The following RSPH9 variants were observed in gnomAD, a reference collection of about 807,000 sequenced individuals.
The protein encoded by RSPH9 is radial spoke head component 9.
RSPH9 carries 27 observed loss-of-function variants against 27.0 expected under a neutral mutation model. The observed-to-expected ratio is 1.00, with a 90% CI of 0.74 to 1.38. The LOEUF (loss-of-function observed/expected upper bound fraction) is 1.38, where lower values mean the gene tolerates loss of function less well. RSPH9 is among the 40% of genes most tolerant of loss of function. The pLI, the probability that RSPH9 is intolerant of heterozygous loss-of-function variation, is 0.00. For missense variants in RSPH9, 347 were observed against 357.4 expected, an observed-to-expected ratio of 0.97 and a Z score of 0.24; for synonymous variants, 145 against 147.7, an observed-to-expected ratio of 0.98 and a Z score of 0.13.
chr6:43,672,324 C>G lies in RSPH9; in HGVS notation c.*1375C>G, dbSNP rs776094418. 2.2e-5 allele frequency: 10 copies of G among 463,584 alleles called. No individual in the cohort carries two copies. The highest frequency in any genetic ancestry group is 1.6e-4 in the South Asian group (10 of 64,016). The allele number at this position is 463,584 out of a possible 1,614,324, so 28.7% of individuals were successfully genotyped here. On this transcript the variant is annotated 3_prime_UTR_variant, in exon 5 of 5. Transcript: ENST00000372163. ...TCCCCATTTGGCTCACTCAGCTACC[C>G]CAACCTTCAGGGAACTCCCCAGGGT...
In RSPH9 at chr6:43,650,466, C is replaced by T. The variant is rs1032347070; in HGVS notation, c.319C>T (p.Pro107Ser). 6.2e-7 allele frequency: 1 copy of T among 1,613,974 alleles called. No individual in the cohort carries two copies. Among genetic ancestry groups the T allele is most frequent in the African/African-American group, 1.3e-5 (1 of 74,892 alleles). ...GGTGAAGGGCCGCTTCATGGGGGAC[C>T]CATCATACGAATATGAACACACTGA... is the stretch of plus-strand genomic sequence containing the variant. Reference protein sequence around the residue: ...SVVKGRFMGDPSYEYEHTELQ... With the variant: ...SVVKGRFMGDSSYEYEHTELQ... Residue 107 changes from proline to serine, a missense_variant, in exon 2 of 5, where the codon CCA (proline) becomes TCA (serine). Pro to Ser is a moderately conservative substitution (Grantham distance 74). Transcript: ENST00000372163.
chr6:43,660,855 A>G (rs1772541711), intron 4 of RSPH9, among the ~76,000 whole-genome samples: 1 of 151,722 alleles, frequency 6.6e-6, no homozygotes, highest in Non-Finnish European at 1.5e-5. Context: ...AGGAATCATT[A>G]TCTATGGCAG....
intron 1 of RSPH9, among the ~76,000 whole-genome samples, chr6:43,647,398 T>G (rs1456494689): frequency 6.6e-6 from 1 of 152,092 alleles, no homozygotes; most frequent in South Asian, 2.1e-4. Context: ...GTGAGCACTG[T>G]GGTTAGGAGT....
At chr6:43,659,537 C>T (rs1274698590) in intron 4 of RSPH9, among the ~76,000 whole-genome samples, 1 of 151,584 alleles carries the variant, frequency 6.6e-6, no homozygotes, top group Non-Finnish European at 1.5e-5. Flanking sequence ...CGCCCGCCGC[C>T]ACGGCTGGCT....
chr6:43,659,786 C>G (rs1369754449), intron 4 of RSPH9, among the ~76,000 whole-genome samples: 1 of 146,866 alleles, frequency 6.8e-6, no homozygotes, highest in Non-Finnish European at 1.5e-5. Context: ...GGCTGGAGTG[C>G]AAGTGATGTC....
intron 4 of RSPH9, among the ~76,000 whole-genome samples, chr6:43,663,249 C>T (rs948502605): frequency 6.6e-6 from 1 of 151,280 alleles, no homozygotes; most frequent in African/African-American, 2.4e-5. Context: ...GACAGAGTCT[C>T]ACTGTGTTGC....
chr6:43,671,450 T>C lies in RSPH9; in HGVS notation c.*501T>C. 1 of 452,646 alleles carries C rather than the reference T, an allele frequency of 2.2e-6. No homozygotes were observed. Among genetic ancestry groups the C allele is most frequent in the East Asian group, 4.4e-5 (1 of 22,884 alleles). 28.0% of individuals were successfully genotyped at this position (452,646 alleles called of 1,614,324 possible). The stretch of plus-strand genomic sequence containing the variant: ...TCCCAAGCAGTGAGCGCACACCCAA[T>C]GGGTAAGCCCATGAACCCAGTTTAT... On this transcript the variant is annotated 3_prime_UTR_variant, in exon 5 of 5. Transcript: ENST00000372163.
intron 2 of RSPH9, among the ~76,000 whole-genome samples, chr6:43,651,385 C>A (rs1001778275): frequency 1.3e-5 from 2 of 152,106 alleles, no homozygotes; most frequent in Non-Finnish European, 2.9e-5. Flanking sequence ...AGGGAATGTG[C>A]ACAGGCTCTT....
chr6:43,648,382 G>C (rs1360587842), intron 1 of RSPH9, among the ~76,000 whole-genome samples: 1 of 152,212 alleles, frequency 6.6e-6, no homozygotes, highest in East Asian at 1.9e-4. Flanking sequence ...GAGAGAGTGA[G>C]CTATGTAAAT....
At chr6:43,656,468 G>A (rs924704341) in intron 3 of RSPH9, 109 bp from the exon 4 acceptor site, 2 of 1,234,996 alleles carry the variant, frequency 1.6e-6, no homozygotes, top group Admixed American at 3.4e-5. Flanking sequence ...CTCTGACAGT[G>A]GTTGACAGGG....
chr6:43,657,167 T>G (rs1772122846), intron 4 of RSPH9, among the ~76,000 whole-genome samples: 1 of 152,220 alleles, frequency 6.6e-6, no homozygotes, highest in Non-Finnish European at 1.5e-5. Flanking sequence ...GAGAAGAGCA[T>G]GTCCTTGGAT....
intron 1 of RSPH9, among the ~76,000 whole-genome samples, chr6:43,649,976 C>A (rs1244961749): frequency 4.6e-5 from 7 of 152,098 alleles, no homozygotes; most frequent in African/African-American, 1.7e-4. Context: ...CAGGCTGGTG[C>A]AGTCGTGGCT....
intron 4 of RSPH9, among the ~76,000 whole-genome samples, chr6:43,669,628 C>G (rs1199114971): frequency 5.3e-5 from 8 of 152,224 alleles, no homozygotes; most frequent in Non-Finnish European, 1.0e-4. Context: ...CCAAAACTTT[C>G]AAAGCATTTG....
chr6:43,650,642 C>T, intron 2 of RSPH9, 102 bp downstream of exon 2: 1 of 1,271,568 alleles, frequency 7.9e-7, no homozygotes, highest in African/African-American at 1.5e-5. Flanking sequence ...CACGGTGGCT[C>T]ACGCCTGTAA....
At chr6:43,668,095 C>A (rs1773327103) in intron 4 of RSPH9, among the ~76,000 whole-genome samples, 1 of 151,998 alleles carries the variant, frequency 6.6e-6, no homozygotes, top group Non-Finnish European at 1.5e-5. Flanking sequence ...TGCTAGGGGG[C>A]AGGAGGGATT....
rs146166336 is a variant in RSPH9, at chr6:43,666,860, G to A, written c.671-3929G>A. On this transcript the variant is annotated intron_variant, in intron 4 of 4. Transcript: ENST00000372163. ...CCTCCTGGGTTCAAGCAATTCTCCT[G>A]CCTCCGTCTCCCAAGTAGCTGGGAT... is the stretch of plus-strand genomic sequence containing the variant. Among the ~76,000 whole-genome samples, 217 of 152,262 alleles carry A rather than the reference G, an allele frequency of 1.4e-3. 3 individuals are homozygous for A. Among genetic ancestry groups the A allele is most frequent in the African/African-American group, 5.0e-3 (208 of 41,546 alleles).
intron 4 of RSPH9, among the ~76,000 whole-genome samples, chr6:43,661,679 A>AG (rs1254360038): frequency 2.6e-5 from 4 of 151,342 alleles, no homozygotes; most frequent in Admixed American, 6.6e-5. Context: ...AAAAAAAAAA[A>AG]AAGAGGAAAT....
chr6:43,671,079 C>T lies in RSPH9; in HGVS notation c.*130C>T. ...CCGTCTGGTTCCAGATTCTGAAAGG[C>T]CCACTGAGCCAGGGAGCTCATTTCT... On this transcript the variant is annotated 3_prime_UTR_variant, in exon 5 of 5. Transcript: ENST00000372163. The T allele has an allele frequency of 1.7e-6, 2 of 1,155,584 alleles. No individual in the cohort carries two copies. Among genetic ancestry groups the T allele is most frequent in the Admixed American group, 4.1e-5 (2 of 49,248 alleles). The allele number at this position is 1,155,584 out of a possible 1,614,324, so 71.6% of individuals were successfully genotyped here.
intron 2 of RSPH9, among the ~76,000 whole-genome samples, chr6:43,651,214 C>T (rs1771433695): frequency 6.6e-6 from 1 of 152,040 alleles, no homozygotes; most frequent in African/African-American, 2.4e-5. Flanking sequence ...AGTTGGTTTC[C>T]AGGTGGTAGA....
Sources: gnomAD v4.1 joint callset for allele counts (sites outside exome capture counted in the v4.1 genomes callset) on GRCh38, gnomAD v4.1.1 for gene constraint, MANE v1.5 for transcripts, NCBI Gene and HGNC (gene_info 2026-07-23, HGNC 2026-07-21) for gene names.